Variants in NUF2 observed in about 807,000 individuals in gnomAD.
NUF2 encodes the protein kinetochore protein Nuf2.
NUF2 carries 34 observed loss-of-function variants against 61.8 expected under a neutral mutation model. The observed-to-expected ratio is 0.55, with a 90% CI of 0.42 to 0.73. The LOEUF is 0.73. NUF2 is among the 30% of genes least tolerant of loss of function. NUF2 has a pLI of 0.00. For missense variants in NUF2, 445 were observed against 539.1 expected (o/e 0.83, Z 1.73); for synonymous variants, 172 against 181.6 (o/e 0.95, Z 0.42).
chr1:163,327,592 G>GT (rs751714893), intron 3 of NUF2, 30 bp downstream of exon 3: 86 of 1,351,392 alleles, frequency 6.4e-5, no homozygotes, highest in South Asian at 9.4e-5. Flanking sequence ...AAATTATGGG[G>GT]TTTTTTTTGT....
At chr1:163,327,072 A>G (rs1305126315) in intron 2 of NUF2, among the ~76,000 whole-genome samples, 3 of 151,226 alleles carry the variant, frequency 2.0e-5, no homozygotes, top group Admixed American at 6.6e-5. Context: ...CTTAATATCT[A>G]TGGCAGCAAA....
At chr1:163,344,217 A>T (rs1172372036) in intron 10 of NUF2, among the ~76,000 whole-genome samples, 3 of 152,120 alleles carry the variant, frequency 2.0e-5, no homozygotes, top group African/African-American at 7.2e-5. Flanking sequence ...ATATACTATA[A>T]CAAAGTATAA....
chr1:163,340,478 A>G (rs766753938), intron 9 of NUF2, 52 bp downstream of exon 9: 26 of 1,350,008 alleles, frequency 1.9e-5, no homozygotes, highest in Non-Finnish European at 1.0e-6. Context: ...TATTGTGTGG[A>G]GGAGTATTTT....
rs547293838 is a variant in NUF2, at chr1:163,327,408, A to G, written c.124-80A>G. ...TTTTTCTTCTTTGCTTTCATCGATT[A>G]TAATATTGTATGGTAATGATGATAG... On this transcript the variant is annotated intron_variant, in intron 2 of 13. Transcript: ENST00000271452. 9.9e-4 allele frequency: 735 copies of G among 740,258 alleles called. 1 individual carries two copies. The highest frequency in any genetic ancestry group is 1.2e-3 in the Non-Finnish European group (510 of 422,912). 45.9% of individuals were successfully genotyped at this position (740,258 alleles called of 1,614,324 possible). A position where few individuals can be genotyped will look rare whatever the true frequency, so the allele number is the denominator to read the frequency against.
intron 10 of NUF2, among the ~76,000 whole-genome samples, chr1:163,345,293 G>A (rs914127818): frequency 3.3e-5 from 5 of 152,100 alleles, no homozygotes; most frequent in African/African-American, 1.2e-4. Flanking sequence ...ATTAGCTATA[G>A]TAGTCGTTAT....
At chr1:163,335,669 T>C (rs1465693662) in intron 5 of NUF2, among the ~76,000 whole-genome samples, 5 of 152,184 alleles carry the variant, frequency 3.3e-5, no homozygotes, top group African/African-American at 1.2e-4. Context: ...TTTTATACAA[T>C]TTGGAAAATA....
intron 10 of NUF2, among the ~76,000 whole-genome samples, chr1:163,344,155 G>A (rs1557953849): frequency 6.6e-6 from 1 of 151,998 alleles, no homozygotes; most frequent in Non-Finnish European, 1.5e-5. Flanking sequence ...TTTATTACAA[G>A]GGAGGAAAGT....
rs747749331 is a variant in NUF2, at chr1:163,339,372, T to G, written c.510-9T>G. 7 of 1,569,800 alleles carry G rather than the reference T, an allele frequency of 4.5e-6. No homozygotes were observed. Among genetic ancestry groups the G allele is most frequent in the Non-Finnish European group, 5.3e-6 (6 of 1,142,240 alleles). Reference sequence around the variant, plus strand: ...AGAGCAGTATTTTAATCTATTTTGCTGTGTTAAGTTCTGTTCCAGTTGAAG... The same window carrying G: ...AGAGCAGTATTTTAATCTATTTTGCGGTGTTAAGTTCTGTTCCAGTTGAAG... On this transcript the variant is annotated splice_polypyrimidine_tract_variant and intron_variant, in intron 7 of 13. Coordinates refer to ENST00000271452, the MANE Select transcript of NUF2 (RefSeq NM_145697.3).
At chr1:163,337,825 C>A (rs1336321708) in intron 6 of NUF2, among the ~76,000 whole-genome samples, 195 bp from the exon 7 acceptor site, 1 of 152,058 alleles carries the variant, frequency 6.6e-6, no homozygotes, top group African/African-American at 2.4e-5. Context: ...ATTCTCAGTA[C>A]CGAGCTCAGT....
Position 163,348,886 on chromosome 1 carries a change from T to C in NUF2, c.1125-59T>C, listed in dbSNP as rs933820982. ...CACTTTGGAATCAAAACTAGAATTGTGTTTGCCTTTTTAGTTGCTGAAGAG... is the reference window on the plus strand; with the variant it reads ...CACTTTGGAATCAAAACTAGAATTGCGTTTGCCTTTTTAGTTGCTGAAGAG... On this transcript the variant is annotated intron_variant, in intron 12 of 13. Coordinates refer to ENST00000271452, the MANE Select transcript of NUF2 (RefSeq NM_145697.3). 21 of 1,555,498 alleles carry C rather than the reference T, an allele frequency of 1.4e-5. No homozygotes were observed. In the African/African-American group the frequency reaches 2.8e-4, roughly 21 times the overall value.
intron 2 of NUF2, 65 bp downstream of exon 2, chr1:163,326,239 A>G (rs1266273490): frequency 6.6e-7 from 1 of 1,506,760 alleles, no homozygotes. Context: ...TACTAGGTCT[A>G]TTGTGTGGCA....
chr1:163,348,839 T>G, intron 12 of NUF2, 106 bp from the exon 13 acceptor site: 2 of 1,249,424 alleles, frequency 1.6e-6, no homozygotes, highest in Non-Finnish European at 2.3e-6. Flanking sequence ...AGTTTTAGGT[T>G]TGTCAAATAC....
At chr1:163,341,895 G>A (rs1287832225) in intron 9 of NUF2, among the ~76,000 whole-genome samples, 1 of 152,124 alleles carries the variant, frequency 6.6e-6, no homozygotes, top group African/African-American at 2.4e-5. Context: ...CTCTGAAAGT[G>A]CCAGGATTAC....
chr1:163,341,283 C>T (rs901390335), intron 9 of NUF2, among the ~76,000 whole-genome samples: 1 of 152,110 alleles, frequency 6.6e-6, no homozygotes. Context: ...GATCTTGGCT[C>T]ACTGCAACCT....
intron 1 of NUF2, chr1:163,322,800 T>C (rs1650278049): frequency 6.6e-6 from 1 of 152,242 alleles, no homozygotes; most frequent in South Asian, 2.1e-4. Flanking sequence ...AGGTTAATCT[T>C]TGCTACTCGT....
chr1:163,349,419 T>G (rs1481802641), intron 13 of NUF2, among the ~76,000 whole-genome samples: 1 of 152,196 alleles, frequency 6.6e-6, no homozygotes, highest in African/African-American at 2.4e-5. Context: ...TATTGTCTCC[T>G]TATCTTTTGA....
rs375949382 is a variant in NUF2 at position 163,343,747 on chromosome 1, G to T, written c.684G>T (p.Leu228Phe). The T allele has an allele frequency of 1.2e-5, 17 of 1,404,272 alleles. No homozygotes were observed. Among genetic ancestry groups the T allele is most frequent in the African/African-American group, 1.5e-5 (1 of 66,444 alleles). 87.0% of individuals were successfully genotyped at this position (1,404,272 alleles called of 1,614,324 possible). Residue 228 changes from leucine to phenylalanine, a missense_variant, in exon 10 of 14, where the codon TTG (leucine) becomes TTT (phenylalanine). By Grantham distance (22) the Leu-to-Phe change is conservative. Coordinates refer to ENST00000271452, the MANE Select transcript of NUF2 (RefSeq NM_145697.3). ...TTTCTCAACAGAATGAACTAAAATTGTCGGTGGTTTCTTTGAAAGAAATAC... is the reference window on the plus strand; with the variant it reads ...TTTCTCAACAGAATGAACTAAAATTTTCGGTGGTTTCTTTGAAAGAAATAC... ...EKTKRLNELK[L>F]SVVSLKEIQE...
intron 5 of NUF2, 151 bp from the exon 6 acceptor site, chr1:163,336,600 A>C (rs1650767237): frequency 4.5e-6 from 2 of 441,516 alleles, no homozygotes; most frequent in Non-Finnish European, 4.0e-6. Flanking sequence ...TTTTACCTTT[A>C]AGTTAGAGCA....
intron 2 of NUF2, among the ~76,000 whole-genome samples, chr1:163,326,524 T>C (rs1005763666): frequency 1.3e-5 from 2 of 152,044 alleles, no homozygotes; most frequent in African/African-American, 4.8e-5. Context: ...TTCCAAGTGG[T>C]TTTCAACCAC....
Sources: allele counts gnomAD v4.1 joint callset (sites outside exome capture counted in the v4.1 genomes callset), GRCh38; gene constraint gnomAD v4.1.1; transcripts MANE v1.5; gene names NCBI Gene and HGNC (gene_info 2026-07-23, HGNC 2026-07-21).